RTKN2: variants seen among roughly 807,000 people sequenced by gnomAD.
RTKN2 encodes rhotekin 2, also known as rhotekin-2.
Under a neutral mutation model 71.5 loss-of-function variants are expected in RTKN2, and 69 were observed. The observed-to-expected ratio is 0.96, with a 90% confidence interval of 0.79 to 1.18. RTKN2 has a LOEUF of 1.18. RTKN2 is among the 50% of genes most tolerant of loss of function. The pLI is 0.00. For synonymous variants in RTKN2, 236 were observed against 236.5 expected (o/e 1.00, Z 0.02); for missense variants, 724 against 719.7 (o/e 1.01, Z -0.07).
chr10:62,214,220 T>A (rs2132870779), intron 9 of RTKN2, among the ~76,000 whole-genome samples: 1 of 152,160 alleles, frequency 6.6e-6, no homozygotes, highest in Admixed American at 6.5e-5. Context: ...CTTTCCAACC[T>A]TAACTCTTAT....
At chr10:62,199,674 T>C in intron 11 of RTKN2, 80 bp downstream of exon 11, 3 of 767,032 alleles carry the variant, frequency 3.9e-6, no homozygotes, top group Non-Finnish European at 6.5e-6. Context: ...AGCATTTTAA[T>C]GTCAATAGAA....
chr10:62,253,461 AAACCT>A (rs1357874077), intron 2 of RTKN2, among the ~76,000 whole-genome samples: 1 of 152,186 alleles, frequency 6.6e-6, no homozygotes, highest in Non-Finnish European at 1.5e-5. Context: ...AGGTTACAGA[AAACCT>A]AACACAGTCA....
chr10:62,234,494 T>TTA (rs35320715), intron 6 of RTKN2, among the ~76,000 whole-genome samples: 1 of 142,596 alleles, frequency 7.0e-6, no homozygotes, highest in African/African-American at 2.6e-5. Context: ...AGACTTGTCT[T>TTA]AAAAAAAAAA....
At chr10:62,260,060 A>C (rs1018248575) in intron 2 of RTKN2, among the ~76,000 whole-genome samples, 1 of 152,256 alleles carries the variant, frequency 6.6e-6, no homozygotes, top group African/African-American at 2.4e-5. Flanking sequence ...AATTTAGAGA[A>C]GGTAGACTAG....
intron 9 of RTKN2, among the ~76,000 whole-genome samples, chr10:62,206,463 C>G (rs1841551313): frequency 6.6e-6 from 1 of 152,038 alleles, no homozygotes; most frequent in South Asian, 2.1e-4. Context: ...CAGGTGAACA[C>G]CATATATACT....
chr10:62,237,439 A>T (rs781543619), intron 5 of RTKN2, among the ~76,000 whole-genome samples: 1 of 151,962 alleles, frequency 6.6e-6, no homozygotes, highest in East Asian at 1.9e-4. Flanking sequence ...ACTTTCACAG[A>T]TATCAGCTTC....
chr10:62,224,559 C>T (rs1229499942), intron 6 of RTKN2, among the ~76,000 whole-genome samples: 3 of 151,588 alleles, frequency 2.0e-5, no homozygotes, highest in African/African-American at 7.3e-5. Flanking sequence ...AAACAAGATC[C>T]AGCATTACAT....
downstream of RTKN2, among the ~76,000 whole-genome samples, chr10:62,189,596 C>T (rs193274201): frequency 6.0e-4 from 91 of 152,228 alleles, no homozygotes; most frequent in African/African-American, 2.1e-3. Context: ...AAGGCTGAGG[C>T]GGGCAGATCA....
intron 9 of RTKN2, among the ~76,000 whole-genome samples, chr10:62,213,957 A>G (rs747157576): frequency 3.3e-5 from 5 of 152,062 alleles, no homozygotes; most frequent in African/African-American, 4.8e-5. Context: ...GATTTTTTCA[A>G]TAAGGAGATC....
chr10:62,192,940 G>A (rs1479891897), downstream of RTKN2, among the ~76,000 whole-genome samples: 1 of 152,096 alleles, frequency 6.6e-6, no homozygotes. Context: ...CACACTATGT[G>A]TATGAGTATG....
rs760678771 is a variant in RTKN2 at position 62,198,171 on chromosome 10, CTG to C, written c.1565_1566del (p.Thr522ArgfsTer5). 5 of 1,613,956 alleles carry C rather than the reference CTG, an allele frequency of 3.1e-6. No homozygotes were observed. On this transcript the variant is annotated frameshift_variant, in exon 12 of 12. Coordinates refer to ENST00000373789, the MANE Select transcript of RTKN2 (RefSeq NM_145307.4). LOFTEE classifies it high-confidence loss of function. ...LPFSLKSQSN[T>X]DQLVKDNWGK... ...CCCCAGTTGTCCTTAACCAATTGAT[CTG>C]TGTTACTCTGTGATTTTAAGCTGAA...
rs1564498631 is a variant in RTKN2, at chr10:62,199,778, C to T, written c.1270G>A (p.Ala424Thr). The change falls in exon 11 of 12, where the codon GCA becomes ACA. Residue 424 changes from alanine to threonine, a missense_variant. By Grantham distance (58) the Ala-to-Thr change is moderately conservative. Coordinates refer to ENST00000373789, the MANE Select transcript of RTKN2 (RefSeq NM_145307.4). Reference sequence around the variant, plus strand: ...CTCATATCATGGTAGACTGAGGTTGCCTCTTTTGTCAAGAACAAAGGTGGT... The same window carrying T: ...CTCATATCATGGTAGACTGAGGTTGTCTCTTTTGTCAAGAACAAAGGTGGT... Reference protein sequence around the residue: ...RKPPLFLTKEATSVYHDMSID... With the variant: ...RKPPLFLTKETTSVYHDMSID... The T allele has an allele frequency of 6.2e-7, 1 of 1,612,114 alleles. No individual in the cohort carries two copies.
chr10:62,195,313 T>C lies in RTKN2; in HGVS notation c.*2595A>G, dbSNP rs1488517452. 2 of 985,268 alleles carry C rather than the reference T, an allele frequency of 2.0e-6. No homozygotes were observed. Among genetic ancestry groups the C allele is most frequent in the Non-Finnish European group, 2.4e-6 (2 of 829,804 alleles). The allele number at this position is 985,268 out of a possible 1,614,324, so 61.0% of individuals were successfully genotyped here. ...AAATTAAAAGGACAAACAAGGAATG[T>C]GAAAGCTCATAAAAAGCTGAAGCAG... On this transcript the variant is annotated 3_prime_UTR_variant, in exon 12 of 12. Coordinates refer to ENST00000373789, the MANE Select transcript of RTKN2 (RefSeq NM_145307.4).
At chr10:62,192,772 C>T (rs1279110773), downstream of RTKN2, among the ~76,000 whole-genome samples, 1 of 152,138 alleles carries the variant, frequency 6.6e-6, no homozygotes, top group Admixed American at 6.5e-5. Flanking sequence ...AGCACAGGAA[C>T]TGAGAGTGAA....
intron 9 of RTKN2, 21 bp downstream of exon 9, chr10:62,217,097 T>A: frequency 6.5e-7 from 1 of 1,542,094 alleles, no homozygotes; most frequent in South Asian, 1.3e-5. Flanking sequence ...TATTTTTTTC[T>A]CAAAATAGCA....
intron 2 of RTKN2, among the ~76,000 whole-genome samples, chr10:62,260,753 T>C (rs187633805): frequency 2.0e-5 from 3 of 152,316 alleles, no homozygotes; most frequent in Admixed American, 6.5e-5. Flanking sequence ...AGTCAATTCA[T>C]AACTCATTAT....
intron 2 of RTKN2, among the ~76,000 whole-genome samples, chr10:62,253,741 T>G (rs544667597): frequency 2.8e-4 from 43 of 152,138 alleles, no homozygotes; most frequent in Admixed American, 1.3e-3. Flanking sequence ...ATAGAAAAAC[T>G]ATTTTAAAAA....
intron 10 of RTKN2, among the ~76,000 whole-genome samples, chr10:62,203,492 G>A (rs879391270): frequency 2.0e-5 from 3 of 152,022 alleles, no homozygotes; most frequent in Non-Finnish European, 4.4e-5. Context: ...CTACAGGCAC[G>A]TGCCATCACG....
At position 62,195,418 on chromosome 10, in the gene RTKN2, C is replaced by T; in HGVS notation, c.*2490G>A. 1 of 982,520 alleles carries T rather than the reference C, an allele frequency of 1.0e-6. No individual in the cohort carries two copies. Among genetic ancestry groups the T allele is most frequent in the Non-Finnish European group, 1.2e-6 (1 of 827,502 alleles). The allele number at this position is 982,520 out of a possible 1,614,324, so 60.9% of individuals were successfully genotyped here. A position where few individuals can be genotyped will look rare whatever the true frequency, so the allele number is the denominator to read the frequency against. On this transcript the variant is annotated 3_prime_UTR_variant, in exon 12 of 12. Coordinates refer to ENST00000373789, the MANE Select transcript of RTKN2 (RefSeq NM_145307.4). Reference sequence around the variant, plus strand: ...GAAAACAAACAATTCTTTTGAAACACTCTTTGACACAGTGCTTAACTATTT... The same window carrying T: ...GAAAACAAACAATTCTTTTGAAACATTCTTTGACACAGTGCTTAACTATTT...
Sources: allele counts gnomAD v4.1 joint callset (sites outside exome capture counted in the v4.1 genomes callset), GRCh38; gene constraint gnomAD v4.1.1; transcripts MANE v1.5; gene names NCBI Gene and HGNC (gene_info 2026-07-23, HGNC 2026-07-21).